NTRK3: variants seen among roughly 807,000 people sequenced by gnomAD.
The protein encoded by NTRK3 is NT-3 growth factor receptor.
In NTRK3, 24 loss-of-function variants were observed where a neutral mutation model predicts 91.7. The observed-to-expected ratio is 0.26, with a 90% confidence interval of 0.19 to 0.37. The LOEUF is 0.37. NTRK3 is among the 10% of genes least tolerant of loss of function. NTRK3 has a pLI of 1.00. For synonymous variants in NTRK3, 483 were observed against 404.0 expected (o/e 1.20, Z -2.34); for missense variants, 880 against 1,068.9 (o/e 0.82, Z 2.46).
At chr15:87,989,896 C>T (rs1372899319) in intron 14 of NTRK3, among the ~76,000 whole-genome samples, 1 of 152,158 alleles carries the variant, frequency 6.6e-6, no homozygotes, top group Non-Finnish European at 1.5e-5. Context: ...TGTGAGCCAT[C>T]ATGCCTGGGC....
Position 88,234,840 on chromosome 15 carries a change from C to T in NTRK3, c.248+21066G>A, listed in dbSNP as rs374768706. Among the ~76,000 whole-genome samples the T allele has an allele frequency of 6.6e-6, 1 of 152,136 alleles. No individual in the cohort carries two copies. The highest frequency in any genetic ancestry group is 2.4e-5 in the African/African-American group (1 of 41,416). On this transcript the variant is annotated intron_variant, in intron 3 of 18. Coordinates refer to ENST00000394480, the Ensembl canonical transcript of NTRK3. The surrounding 1 kb of genome is among the most constrained non-coding windows in gnomAD (Gnocchi z 6.1). ...CCTGCTTGATCTAGTCCCTGCAGAC[C>T]TCTCCAACCTCCCACTCCCACCAGC...
intron 13 of NTRK3, among the ~76,000 whole-genome samples, chr15:88,069,498 G>A (rs1451554866): frequency 6.6e-6 from 1 of 152,214 alleles, no homozygotes; most frequent in Admixed American, 6.5e-5. Flanking sequence ...AGCAATGGAA[G>A]TGTGGAGCCT....
intron 17 of NTRK3, among the ~76,000 whole-genome samples, chr15:87,889,426 C>T (rs1251242170): frequency 3.1e-4 from 32 of 103,248 alleles, no homozygotes; most frequent in Admixed American, 2.7e-3. Context: ...TTTTTTGAGA[C>T]GAAGTCTCAC....
At chr15:88,001,720 T>C (rs934824821) in intron 14 of NTRK3, among the ~76,000 whole-genome samples, 3 of 152,190 alleles carry the variant, frequency 2.0e-5, no homozygotes, top group Middle Eastern at 3.2e-3. Flanking sequence ...GGCAGTACCA[T>C]ATCGTCTCTA....
At position 87,933,006 on chromosome 15, in the gene NTRK3, G is replaced by T. The variant is rs1271281234; in HGVS notation, c.1889+6C>A. On this transcript the variant is annotated splice_donor_region_variant and intron_variant, in intron 16 of 18. Coordinates refer to ENST00000394480, the Ensembl canonical transcript of NTRK3. ...TCAGGTGCAGGGGAAGACAATCCTTGCTTACCTGAGGAACTTATTCAGGTC... is the reference window on the plus strand; with the variant it reads ...TCAGGTGCAGGGGAAGACAATCCTTTCTTACCTGAGGAACTTATTCAGGTC... The T allele has an allele frequency of 3.1e-6, 5 of 1,613,966 alleles. No homozygotes were observed. In the Admixed American group the frequency reaches 8.3e-5, roughly 27 times the overall value.
intron 13 of NTRK3, among the ~76,000 whole-genome samples, chr15:88,110,283 A>G (rs2051191168): frequency 6.6e-6 from 1 of 152,218 alleles, no homozygotes; most frequent in African/African-American, 2.4e-5. Flanking sequence ...GGATCTTAGG[A>G]AAAGGCAGGT....
intron 13 of NTRK3, among the ~76,000 whole-genome samples, chr15:88,042,419 C>G (rs2079728136): frequency 6.6e-6 from 1 of 152,218 alleles, no homozygotes; most frequent in Admixed American, 6.5e-5. Flanking sequence ...GCCCTCCCCT[C>G]TCTGCCTCCT....
intron 14 of NTRK3, among the ~76,000 whole-genome samples, chr15:87,946,784 T>C (rs80328634): frequency 0.16 from 23,536 of 151,110 alleles, 2,030 homozygotes; most frequent in South Asian, 0.28. Flanking sequence ...TTATTAATAA[T>C]AAAAATAACT....
In NTRK3 at chr15:88,237,177, G is replaced by A. The variant is rs2051865746; in HGVS notation, c.248+18729C>T. On this transcript the variant is annotated intron_variant, in intron 3 of 18. Coordinates refer to ENST00000394480, the Ensembl canonical transcript of NTRK3. The surrounding 1 kb of genome is among the most constrained non-coding windows in gnomAD (Gnocchi z 4.0). ...AGGGCTGGACAGATGGATAGAGGAT[G>A]TGATAAAGAAGTAGAGTGCCATATT... 6.6e-6 allele frequency among the ~76,000 whole-genome samples: 1 copy of A among 152,168 alleles called. No individual in the cohort carries two copies. Among genetic ancestry groups the A allele is most frequent in the African/African-American group, 2.4e-5 (1 of 41,414 alleles).
At chr15:87,891,807 C>G (rs960815662) in intron 17 of NTRK3, among the ~76,000 whole-genome samples, 7 of 152,056 alleles carry the variant, frequency 4.6e-5, no homozygotes, top group Non-Finnish European at 4.4e-5. Context: ...ATATATACCT[C>G]ATGTTATCCA....
chr15:87,872,330 G>A (rs747036563), exon 19 of NTRK3: 2 of 223,118 alleles, frequency 9.0e-6, no homozygotes, highest in African/African-American at 2.2e-5. Flanking sequence ...TTTGGAAAAG[G>A]GGAACAAAGA....
At chr15:88,037,641 G>A (rs2079185189) in intron 13 of NTRK3, among the ~76,000 whole-genome samples, 1 of 152,182 alleles carries the variant, frequency 6.6e-6, no homozygotes, top group African/African-American at 2.4e-5. Flanking sequence ...GGACAAACAG[G>A]ATTAAGCTTG....
intron 10 of NTRK3, among the ~76,000 whole-genome samples, chr15:88,134,888 G>T (rs1246344154): frequency 1.3e-5 from 2 of 152,194 alleles, no homozygotes. Flanking sequence ...TTTCTAAGAA[G>T]TCTTGGTTAC....
At chr15:88,232,595 C>G (rs898304374) in intron 3 of NTRK3, among the ~76,000 whole-genome samples, 3 of 152,160 alleles carry the variant, frequency 2.0e-5, no homozygotes, top group South Asian at 2.1e-4. Flanking sequence ...GCAATTGGCC[C>G]TCTAGACACT....
chr15:87,994,370 G>A lies in NTRK3; in HGVS notation c.1585+38487C>T, dbSNP rs143135917. ...ATGGGCCCTAATCCAATATTACTACGTCCTTATACAAAGGAAAAATGTGAA... is the reference window on the plus strand; with the variant it reads ...ATGGGCCCTAATCCAATATTACTACATCCTTATACAAAGGAAAAATGTGAA... On this transcript the variant is annotated intron_variant, in intron 14 of 18. Transcript: ENST00000394480. Among the ~76,000 whole-genome samples the A allele has an allele frequency of 3.9e-5, 6 of 152,262 alleles. No homozygotes were observed. The South Asian group carries it at 8.3e-4, about 21-fold the overall frequency.
chr15:88,175,107 TA>T (rs1437747551), intron 5 of NTRK3, among the ~76,000 whole-genome samples: 3 of 152,258 alleles, frequency 2.0e-5, no homozygotes, highest in Admixed American at 6.5e-5. Flanking sequence ...ATCTACTGCA[TA>T]CACTGATTAC....
intron 14 of NTRK3, among the ~76,000 whole-genome samples, chr15:88,026,423 G>T (rs2078043676): frequency 6.6e-6 from 1 of 152,160 alleles, no homozygotes; most frequent in Non-Finnish European, 1.5e-5. Flanking sequence ...TATGACATGT[G>T]GAAAAGACAA....
chr15:87,870,388 A>G, exon 19 of NTRK3: 1 of 200,894 alleles, frequency 5.0e-6, no homozygotes, highest in South Asian at 1.9e-4. Flanking sequence ...AGCTGTGAGG[A>G]TGTCAAGGTA....
At chr15:88,231,180 T>C (rs2051149340) in intron 3 of NTRK3, among the ~76,000 whole-genome samples, 2 of 152,208 alleles carry the variant, frequency 1.3e-5, no homozygotes, top group Admixed American at 1.3e-4. Context: ...AAAGGCAGCA[T>C]TGTTCCCCTT....
Sources: gnomAD v4.1 joint callset for allele counts (sites outside exome capture counted in the v4.1 genomes callset) on GRCh38, gnomAD v4.1.1 for gene constraint, Gnocchi (gnomAD v3.1) non-coding constraint, MANE v1.5 for transcripts, NCBI Gene and HGNC (gene_info 2026-07-23, HGNC 2026-07-21) for gene names.